Variants in AGMO observed in about 807,000 individuals in gnomAD.
AGMO encodes the protein glyceryl-ether monooxygenase.
Under a neutral mutation model 60.2 loss-of-function variants are expected in AGMO, and 75 were observed. The ratio of observed to expected loss-of-function variants is 1.25; its 90% confidence interval spans 1.03 to 1.51. The LOEUF (loss-of-function observed/expected upper bound fraction) is 1.51. Among genes scored for constraint, AGMO ranks in the 40% most tolerant of loss-of-function variants. The pLI is 0.00. For missense variants in AGMO, 763 were observed against 525.5 expected (o/e 1.45, Z -4.42); for synonymous variants, 261 against 177.1 (o/e 1.47, Z -3.76).
intron 12 of AGMO, among the ~76,000 whole-genome samples, chr7:15,324,569 C>A (rs1781278927): frequency 1.3e-5 from 2 of 152,116 alleles, no homozygotes; most frequent in African/African-American, 4.8e-5. Flanking sequence ...TTCTCCCCCT[C>A]ATCTCCCTCA....
chr7:15,227,908 C>T (rs1782138540), intron 12 of AGMO, among the ~76,000 whole-genome samples: 1 of 151,968 alleles, frequency 6.6e-6, no homozygotes, highest in South Asian at 2.1e-4. Flanking sequence ...CTTTTCTTTC[C>T]TCAAAAGCTT....
chr7:15,551,069 C>A (rs1027874237), intron 2 of AGMO, among the ~76,000 whole-genome samples: 2 of 151,722 alleles, frequency 1.3e-5, no homozygotes, highest in South Asian at 2.1e-4. Flanking sequence ...ACAAAAACCA[C>A]ATGATTATCT....
At chr7:15,476,279 A>G (rs1274670867) in intron 3 of AGMO, among the ~76,000 whole-genome samples, 1 of 152,114 alleles carries the variant, frequency 6.6e-6, no homozygotes, top group Non-Finnish European at 1.5e-5. Context: ...TAACATTTCA[A>G]AGATTTCTGT....
the AGMO span, among the ~76,000 whole-genome samples, chr7:15,174,770 A>G: frequency 1.5e-5 from 1 of 65,184 alleles, no homozygotes; most frequent in East Asian, 4.0e-4. Context: ...ACTAGCTAAT[A>G]CATTCCAAAA....
At chr7:15,423,003 G>A (rs1041141890) in intron 4 of AGMO, among the ~76,000 whole-genome samples, 4 of 152,166 alleles carry the variant, frequency 2.6e-5, no homozygotes, top group Admixed American at 2.0e-4. Flanking sequence ...AGTACTCCAC[G>A]AGTAAGCTGC....
At chr7:15,170,147 G>T in the AGMO span, among the ~76,000 whole-genome samples, 1 of 152,308 alleles carries the variant, frequency 6.6e-6, no homozygotes, top group East Asian at 1.9e-4. Context: ...TCTGACCAGG[G>T]GTGAGCAAAC....
chr7:15,559,173 T>C (rs569203299), intron 2 of AGMO, among the ~76,000 whole-genome samples: 2 of 152,258 alleles, frequency 1.3e-5, no homozygotes, highest in East Asian at 3.9e-4. Context: ...ATCAACATAA[T>C]GTTACAGGAA....
chr7:15,264,251 T>C (rs1563060277), intron 12 of AGMO, among the ~76,000 whole-genome samples: 2 of 151,908 alleles, frequency 1.3e-5, no homozygotes, highest in Non-Finnish European at 2.9e-5. Flanking sequence ...TTAAAATATA[T>C]ATTTTACCCC....
At chr7:15,393,543 A>G (rs950692674) in intron 6 of AGMO, among the ~76,000 whole-genome samples, 4 of 152,226 alleles carry the variant, frequency 2.6e-5, no homozygotes, top group African/African-American at 7.2e-5. Context: ...ATTGCTATAT[A>G]GGGCTTGGGG....
intron 12 of AGMO, among the ~76,000 whole-genome samples, chr7:15,349,902 CCTATGACATGGGGG>C (rs1234473644): frequency 5.9e-5 from 9 of 152,104 alleles, no homozygotes; most frequent in African/African-American, 1.9e-4. Flanking sequence ...TGGGTCCCCT[CCTATGACATGGGGG>C]GATTATGGGA....
intron 12 of AGMO, among the ~76,000 whole-genome samples, chr7:15,334,055 A>G (rs1781576957): frequency 6.6e-6 from 1 of 152,128 alleles, no homozygotes; most frequent in Admixed American, 6.6e-5. Flanking sequence ...TGAAGGCAGT[A>G]ATTCTCTAAA....
intron 2 of AGMO, among the ~76,000 whole-genome samples, chr7:15,552,587 C>T (rs1236263983): frequency 6.7e-6 from 1 of 148,856 alleles, no homozygotes; most frequent in Non-Finnish European, 1.5e-5. Context: ...TCATCACTGG[C>T]CATCAGAGAA....
At chr7:15,380,186 C>G (rs574829831) in intron 10 of AGMO, among the ~76,000 whole-genome samples, 1 of 152,018 alleles carries the variant, frequency 6.6e-6, no homozygotes, top group East Asian at 1.9e-4. Context: ...GAGAAAGAAA[C>G]AAAGGGCAAC....
chr7:15,340,802 G>A (rs568821543), intron 12 of AGMO, among the ~76,000 whole-genome samples: 1 of 152,186 alleles, frequency 6.6e-6, no homozygotes, highest in African/African-American at 2.4e-5. Context: ...GGGCAGTGCA[G>A]AAGGGAAATG....
chr7:15,477,714 C>T (rs967788003), intron 3 of AGMO, among the ~76,000 whole-genome samples: 2 of 152,060 alleles, frequency 1.3e-5, no homozygotes, highest in Non-Finnish European at 2.9e-5. Context: ...AATATTATAG[C>T]CTTGATCACC....
intron 6 of AGMO, among the ~76,000 whole-genome samples, chr7:15,391,221 T>A (rs1583497079): frequency 6.6e-6 from 1 of 152,030 alleles, no homozygotes; most frequent in African/African-American, 2.4e-5. Flanking sequence ...AAATTAAGAA[T>A]TAAATGATAC....
chr7:15,225,637 AT>A (rs905590622), intron 12 of AGMO, among the ~76,000 whole-genome samples: 84 of 151,980 alleles, frequency 5.5e-4, no homozygotes, highest in Non-Finnish European at 1.1e-3. Flanking sequence ...TAAGTTGAAT[AT>A]TTTTTTATAG....
chr7:15,385,409 T>G (rs746743962), intron 10 of AGMO, 37 bp downstream of exon 10: 1 of 1,289,688 alleles, frequency 7.8e-7, no homozygotes, highest in Non-Finnish European at 1.1e-6. Flanking sequence ...AAGTAACAGA[T>G]AATGTTCTCA....
chr7:15,450,249 T>C (rs1781822134), intron 3 of AGMO, among the ~76,000 whole-genome samples: 2 of 151,862 alleles, frequency 1.3e-5, no homozygotes, highest in African/African-American at 4.8e-5. Flanking sequence ...TGAAACCCCG[T>C]CTCTACTAAA....
Sources: allele counts gnomAD v4.1 joint callset (sites outside exome capture counted in the v4.1 genomes callset), GRCh38; gene constraint gnomAD v4.1.1; transcripts MANE v1.5; gene names NCBI Gene and HGNC (gene_info 2026-07-23, HGNC 2026-07-21).